Variants in MYO10 observed in about 807,000 individuals in gnomAD.
The protein encoded by MYO10 is unconventional myosin-X.
MYO10 carries 133 observed loss-of-function variants against 257.3 expected under a neutral mutation model. That is an observed-to-expected ratio of 0.52 (90% CI 0.45 to 0.60). MYO10 has a LOEUF of 0.60. Ranked by LOEUF, MYO10 falls within the 20% of genes least tolerant of loss-of-function variation. The pLI, the probability that MYO10 is intolerant of heterozygous loss-of-function variation, is 0.00. For missense variants in MYO10, 2,399 were observed against 2,635.7 expected (o/e 0.91, Z 1.97); for synonymous variants, 1,104 against 1,028.6 (o/e 1.07, Z -1.40).
intron 29 of MYO10, 41 bp downstream of exon 29, chr5:16,685,697 C>A: frequency 7.4e-7 from 1 of 1,357,140 alleles, no homozygotes; most frequent in Admixed American, 2.0e-5. Flanking sequence ...CCGTCCCTGC[C>A]CCTAGACGCC....
At chr5:16,697,933 C>T (rs256928) in intron 26 of MYO10, among the ~76,000 whole-genome samples, 12,039 of 152,178 alleles carry the variant, frequency 0.079, 1,460 homozygotes, top group African/African-American at 0.26. Context: ...AGAAACAGGA[C>T]GGTCCCTTCT....
intron 11 of MYO10, among the ~76,000 whole-genome samples, chr5:16,764,817 T>C (rs1740818026): frequency 6.6e-6 from 1 of 152,090 alleles, no homozygotes; most frequent in Non-Finnish European, 1.5e-5. Flanking sequence ...GCCCCCTGAG[T>C]AGCTGGGATT....
intron 38 of MYO10, 128 bp from the exon 39 acceptor site, chr5:16,671,106 C>T: frequency 1.1e-6 from 1 of 907,382 alleles, no homozygotes; most frequent in East Asian, 2.7e-5. Flanking sequence ...CTGGCTAAAA[C>T]TGTACCCTCA....
In MYO10 at chr5:16,664,523, A is replaced by C. The variant is rs545006463; in HGVS notation, c.*2169T>G. The C allele has an allele frequency of 6.6e-6, 1 of 152,320 alleles. No homozygotes were observed. Among genetic ancestry groups the C allele is most frequent in the Non-Finnish European group, 1.5e-5 (1 of 68,034 alleles). 9.4% of individuals were successfully genotyped at this position (152,320 alleles called of 1,614,324 possible). ...CAGGTTCCATCCCAATCCCTGCAGAATGGGAAGAAGCCATCCGTGAGCATG... is the reference window on the plus strand; with the variant it reads ...CAGGTTCCATCCCAATCCCTGCAGACTGGGAAGAAGCCATCCGTGAGCATG... On this transcript the variant is annotated 3_prime_UTR_variant, in exon 41 of 41. Coordinates refer to ENST00000513610, the MANE Select transcript of MYO10 (RefSeq NM_012334.3).
In MYO10 at chr5:16,775,497, T is replaced by A. The variant is rs534230766; in HGVS notation, c.930+4048A>T. On this transcript the variant is annotated intron_variant, in intron 9 of 40. Coordinates refer to ENST00000513610, the MANE Select transcript of MYO10 (RefSeq NM_012334.3). Reference sequence around the variant, plus strand: ...AGGCTGCAGTGCAATGGCATGATCATGGCTCACTACAGCCTCGAACTCCCT... The same window carrying A: ...AGGCTGCAGTGCAATGGCATGATCAAGGCTCACTACAGCCTCGAACTCCCT... 2.6e-3 allele frequency among the ~76,000 whole-genome samples: 395 copies of A among 152,294 alleles called. 1 individual carries two copies. The highest frequency in any genetic ancestry group is 9.2e-3 in the African/African-American group (384 of 41,570).
chr5:16,682,315 A>T (rs1340692708), intron 30 of MYO10, among the ~76,000 whole-genome samples: 1 of 152,166 alleles, frequency 6.6e-6, no homozygotes, highest in Non-Finnish European at 1.5e-5. Context: ...GGTGACCATG[A>T]GGGAAAATTT....
intron 1 of MYO10, among the ~76,000 whole-genome samples, chr5:16,888,249 C>G (rs1580117197): frequency 6.6e-6 from 1 of 152,122 alleles, no homozygotes; most frequent in Non-Finnish European, 1.5e-5. Context: ...TAGCTCTAGG[C>G]TGGGCATAGT....
At chr5:16,758,032 T>C (rs1295361115) in intron 18 of MYO10, 86 bp downstream of exon 18, 5 of 986,584 alleles carry the variant, frequency 5.1e-6, no homozygotes, top group Admixed American at 3.7e-5. Context: ...AATATTCTCA[T>C]AGACTTCACA....
At chr5:16,691,066 G>C (rs1296476763) in intron 27 of MYO10, among the ~76,000 whole-genome samples, 2 of 150,768 alleles carry the variant, frequency 1.3e-5, no homozygotes, top group Non-Finnish European at 3.0e-5. Flanking sequence ...TCAGGAGATC[G>C]AGACCATCCT....
At chr5:16,875,925 T>C (rs549487010) in intron 2 of MYO10, among the ~76,000 whole-genome samples, 88 of 152,202 alleles carry the variant, frequency 5.8e-4, no homozygotes, top group Admixed American at 6.5e-4. Flanking sequence ...CTGGCCAACA[T>C]GGTGAAATGA....
At chr5:16,797,926 G>C (rs958088032) in intron 3 of MYO10, among the ~76,000 whole-genome samples, 3 of 152,236 alleles carry the variant, frequency 2.0e-5, no homozygotes, top group Non-Finnish European at 4.4e-5. Context: ...AACAGTATTA[G>C]GAAGGTGATT....
intron 2 of MYO10, among the ~76,000 whole-genome samples, chr5:16,857,427 A>G (rs2126742089): frequency 1.3e-5 from 2 of 152,334 alleles, no homozygotes; most frequent in South Asian, 4.1e-4. Flanking sequence ...TTTTATTTAG[A>G]GCATGGATTT....
At chr5:16,674,618 T>C (rs1736637565) in intron 35 of MYO10, among the ~76,000 whole-genome samples, 1 of 151,796 alleles carries the variant, frequency 6.6e-6, no homozygotes, top group Admixed American at 6.6e-5. Flanking sequence ...TCCAATGTCC[T>C]ATACATTAGG....
At chr5:16,679,287 G>A (rs767174216) in intron 33 of MYO10, among the ~76,000 whole-genome samples, 4 of 152,124 alleles carry the variant, frequency 2.6e-5, no homozygotes, top group Admixed American at 6.6e-5. Flanking sequence ...AGAACCTGAC[G>A]CAAAGCAGGT....
chr5:16,780,766 T>G (rs779906440), intron 6 of MYO10, 25 bp from the exon 7 acceptor site: 1 of 1,564,972 alleles, frequency 6.4e-7, no homozygotes, highest in Admixed American at 1.9e-5. Flanking sequence ...CAATGGCAAG[T>G]CAAGGAAAAA....
At chr5:16,834,646 G>C (rs1208964165) in intron 2 of MYO10, among the ~76,000 whole-genome samples, 1 of 152,022 alleles carries the variant, frequency 6.6e-6, no homozygotes, top group East Asian at 1.9e-4. Context: ...CCAAAGACTG[G>C]GTCACAAATC....
chr5:16,732,072 G>C (rs887204288), intron 19 of MYO10, among the ~76,000 whole-genome samples: 1 of 152,150 alleles, frequency 6.6e-6, no homozygotes, highest in African/African-American at 2.4e-5. Flanking sequence ...GGAAGGGTGA[G>C]AGATAAAGCT....
intron 1 of MYO10, among the ~76,000 whole-genome samples, chr5:16,932,771 A>G (rs1016000084): frequency 4.9e-5 from 7 of 143,860 alleles, no homozygotes; most frequent in African/African-American, 1.6e-4. Flanking sequence ...CTAATTAATC[A>G]ATCAATCTAG....
intron 36 of MYO10, 37 bp downstream of exon 36, chr5:16,673,645 G>A: frequency 6.3e-7 from 1 of 1,587,004 alleles, no homozygotes; most frequent in Non-Finnish European, 8.6e-7. Context: ...TGCAGCAAAG[G>A]CATCTAACAG....
Sources: allele counts gnomAD v4.1 joint callset (sites outside exome capture counted in the v4.1 genomes callset), GRCh38; gene constraint gnomAD v4.1.1; transcripts MANE v1.5; gene names NCBI Gene and HGNC (gene_info 2026-07-23, HGNC 2026-07-21).